ADAD2: variants seen among roughly 807,000 people sequenced by gnomAD.
ADAD2 encodes the protein adenosine deaminase domain containing 2.
Under a neutral mutation model 54.5 loss-of-function variants are expected in ADAD2, and 60 were observed. The ratio of observed to expected loss-of-function variants is 1.10; its 90% confidence interval spans 0.89 to 1.36. ADAD2 has a LOEUF of 1.36. Among genes scored for constraint, ADAD2 ranks in the 40% most tolerant of loss-of-function variants. The pLI, the probability that ADAD2 is intolerant of heterozygous loss-of-function variation, is 0.00. For missense variants in ADAD2, 1,103 were observed against 801.3 expected (o/e 1.38, Z -4.54); for synonymous variants, 543 against 366.2 (o/e 1.48, Z -5.51).
chr16:84,194,343 C>G lies in ADAD2; in HGVS notation c.419-99C>G, dbSNP rs747475355. The G allele has an allele frequency of 4.5e-6, 7 of 1,544,134 alleles. No individual in the cohort carries two copies. In the African/African-American group the frequency reaches 9.6e-5, roughly 21 times the overall value. Reference sequence around the variant, plus strand: ...GAAGGGTGGTGAGGGTCTCATTATTCTGACCGTCCTCGATATCAGGTGTCA... The same window carrying G: ...GAAGGGTGGTGAGGGTCTCATTATTGTGACCGTCCTCGATATCAGGTGTCA... On this transcript the variant is annotated intron_variant, in intron 1 of 9. Transcript: ENST00000315906.
intron 1 of ADAD2, chr16:84,193,285 C>A (rs1021947534): frequency 6.6e-6 from 1 of 152,168 alleles, no homozygotes; most frequent in Non-Finnish European, 1.5e-5. Context: ...CCATTGTTTC[C>A]CATCCCAGTA....
rs759513459 is a variant in ADAD2, at chr16:84,196,198, G to C, written c.1354G>C (p.Gly452Arg). ...HTRPCLDSVL[G>R]PCLPPPYVRT... ...CCGGCCCTGCCTGGACAGTGTCCTG[G>C]GGCCATGCCTGCCACCTCCCTACGT... The change falls in exon 8 of 10, where the codon GGG (glycine) becomes CGG (arginine). Residue 452 changes from glycine to arginine, a missense_variant. By Grantham distance (125) the Gly-to-Arg change is moderately radical. Transcript: ENST00000315906. The C allele has an allele frequency of 3.1e-6, 5 of 1,609,762 alleles. No individual in the cohort carries two copies. In the South Asian group the frequency reaches 4.4e-5, roughly 14 times the overall value.
chr16:84,196,868 A>C lies in ADAD2; in HGVS notation c.1648-2A>C. 1 of 1,593,366 alleles carries C rather than the reference A, an allele frequency of 6.3e-7. No individual in the cohort carries two copies. Among genetic ancestry groups the C allele is most frequent in the Non-Finnish European group, 8.6e-7 (1 of 1,169,572 alleles). ...CACCCCACCTCTCATCTCCCGCCCT[A>C]GGCTGGGCCCTACCAGGAGGCTCGC... is the stretch of plus-strand genomic sequence containing the variant. On this transcript the variant is annotated splice_acceptor_variant, in intron 9 of 9. Coordinates refer to ENST00000315906, the MANE Select transcript of ADAD2 (RefSeq NM_001145400.2). LOFTEE classifies it high-confidence loss of function.
chr16:84,191,639 C>T lies in ADAD2; in HGVS notation c.409C>T (p.Gln137Ter), dbSNP rs766707473. Residue 137 changes from glutamine to a stop codon, truncating the protein, a stop_gained, in exon 1 of 10, where the codon CAG becomes TAG. Transcript: ENST00000315906. LOFTEE classifies it high-confidence loss of function. ...LGIFLLFRED[Q>*]PPGPCFPFSV... Reference sequence around the variant, plus strand: ...CATCTTCCTGCTCTTCCGGGAGGACCAGCCACCAGGTGAGGCCGGGCCGGG... The same window carrying T: ...CATCTTCCTGCTCTTCCGGGAGGACTAGCCACCAGGTGAGGCCGGGCCGGG... 9.0e-6 allele frequency: 14 copies of T among 1,557,778 alleles called. No individual in the cohort carries two copies. Among genetic ancestry groups the T allele is most frequent in the Non-Finnish European group, 1.2e-5 (14 of 1,151,196 alleles).
chr16:84,197,066 G>A lies in ADAD2; in HGVS notation c.*92G>A. ...GAGGAGCGTTGTGGGGAGAACATGG[G>A]TTGTGCGGGGTGAAACTGGGGCTGG... On this transcript the variant is annotated 3_prime_UTR_variant, in exon 10 of 10. Coordinates refer to ENST00000315906, the MANE Select transcript of ADAD2 (RefSeq NM_001145400.2). 1 of 1,310,474 alleles carries A rather than the reference G, an allele frequency of 7.6e-7. No homozygotes were observed. Among genetic ancestry groups the A allele is most frequent in the Non-Finnish European group, 1.1e-6 (1 of 944,756 alleles). The allele number at this position is 1,310,474 out of a possible 1,614,324, so 81.2% of individuals were successfully genotyped here. A position where few individuals can be genotyped will look rare whatever the true frequency, so the allele number is the denominator to read the frequency against.
intron 7 of ADAD2, 35 bp from the exon 8 acceptor site, chr16:84,196,092 G>A: frequency 6.3e-7 from 1 of 1,599,754 alleles, no homozygotes; most frequent in East Asian, 2.2e-5. Context: ...GGGCAGGGAG[G>A]TCACTCACCT....
rs768379766 is a variant in ADAD2 at position 84,191,189 on chromosome 16, G to C, written c.-42G>C. On this transcript the variant is annotated 5_prime_UTR_variant, in exon 1 of 10. Transcript: ENST00000315906. ...CTGCGCGTGTGAAAGGGCGAGAGCA[G>C]CGCGAGATAGGGCCTAGCGCCTCAG... 6.3e-7 allele frequency: 1 copy of C among 1,584,624 alleles called. No homozygotes were observed. Among genetic ancestry groups the C allele is most frequent in the Non-Finnish European group, 8.6e-7 (1 of 1,162,932 alleles).
Position 84,194,495 on chromosome 16 carries a change from G to T in ADAD2, c.472G>T (p.Ala158Ser). The change falls in exon 2 of 10, where the codon GCG becomes TCG. Residue 158 changes from alanine (A) to serine (S), a missense_variant. Ala to Ser is a moderately conservative substitution (Grantham distance 99). Transcript: ENST00000315906. Reference protein sequence around the residue: ...SAELDGVVCPAGTANSKTEAK... With the variant: ...SAELDGVVCPSGTANSKTEAK... Reference sequence around the variant, plus strand: ...GGAACTGGATGGGGTGGTCTGCCCTGCGGGCACTGCGAATAGCAAGACGGA... The same window carrying T: ...GGAACTGGATGGGGTGGTCTGCCCTTCGGGCACTGCGAATAGCAAGACGGA... The T allele has an allele frequency of 6.2e-7, 1 of 1,611,990 alleles. No homozygotes were observed. Among genetic ancestry groups the T allele is most frequent in the East Asian group, 2.2e-5 (1 of 44,846 alleles).
In ADAD2 at chr16:84,196,729, C is replaced by G; in HGVS notation, c.1609C>G (p.Pro537Ala). The G allele has an allele frequency of 6.2e-7, 1 of 1,612,982 alleles. No homozygotes were observed. The highest frequency in any genetic ancestry group is 1.1e-5 in the South Asian group (1 of 91,080). Reference protein sequence around the residue: ...FHQAARAVGKPYLLALKTYEA... With the variant: ...FHQAARAVGKAYLLALKTYEA... ...CCAGGCGGCCAGGGCTGTGGGGAAG[C>G]CCTACCTCCTGGCCTTGAAGACCTA... The change falls in exon 9 of 10, where the codon CCC becomes GCC. Residue 537 changes from proline (P) to alanine (A), a missense_variant. Pro to Ala is a conservative substitution (Grantham distance 27, BLOSUM62 -1). Coordinates refer to ENST00000315906, the MANE Select transcript of ADAD2 (RefSeq NM_001145400.2).
Position 84,191,567 on chromosome 16 carries a change from G to T in ADAD2, c.337G>T (p.Ala113Ser), listed in dbSNP as rs749713254. ...CAGCCTGCCGCTCAAAGACCCACCTGCCAGCCAGGCCGTGTCCTTGCTCAC... is the reference window on the plus strand; with the variant it reads ...CAGCCTGCCGCTCAAAGACCCACCTTCCAGCCAGGCCGTGTCCTTGCTCAC... ...GLSLPLKDPP[A>S]SQAVSLLTEY... Residue 113 changes from alanine to serine, a missense_variant, in exon 1 of 10, where the codon GCC becomes TCC. Transcript: ENST00000315906. 15 of 1,549,074 alleles carry T rather than the reference G, an allele frequency of 9.7e-6. No homozygotes were observed. In the South Asian group the frequency reaches 1.8e-4, roughly 18 times the overall value.
rs1286519414 is a variant in ADAD2 at position 84,195,798 on chromosome 16, C to T, written c.1053-17C>T. On this transcript the variant is annotated splice_polypyrimidine_tract_variant and intron_variant, in intron 6 of 9. Coordinates refer to ENST00000315906, the MANE Select transcript of ADAD2 (RefSeq NM_001145400.2). The stretch of plus-strand genomic sequence containing the variant: ...GAGCAGCCCTGAAGCTGATGTCTGT[C>T]CCCACCCGGCCCGCAGCCTGCCCCC... 6.3e-7 allele frequency: 1 copy of T among 1,581,394 alleles called. No homozygotes were observed. The highest frequency in any genetic ancestry group is 1.8e-5 in the Admixed American group (1 of 56,674).
rs1323461021 is a variant in ADAD2, at chr16:84,195,544, A to G, written c.899A>G (p.Gln300Arg). 3.1e-6 allele frequency: 5 copies of G among 1,597,768 alleles called. No homozygotes were observed. In the South Asian group the frequency reaches 4.5e-5, roughly 14 times the overall value. Residue 300 changes from glutamine to arginine, a missense_variant, in exon 6 of 10, where the codon CAG becomes CGG. By Grantham distance (43) the Gln-to-Arg change is conservative. Transcript: ENST00000315906. Reference protein sequence around the residue: ...RRALLRFLFRQLLLATQGGPK... With the variant: ...RRALLRFLFRRLLLATQGGPK... ...GTCGCTCCTAGGTTCTTGTTCCGGC[A>G]GCTCCTGCTGGCCACACAGGGGGGC...
Position 84,194,209 on chromosome 16 carries a change from G to A in ADAD2, c.419-233G>A, listed in dbSNP as rs762338144. ...TGAAATGGAGTCACGCATCCCTGCT[G>A]TGGAGGAGTTGGGTGAGGACTTGGT... is the stretch of plus-strand genomic sequence containing the variant. On this transcript the variant is annotated intron_variant, in intron 1 of 9. Coordinates refer to ENST00000315906, the MANE Select transcript of ADAD2 (RefSeq NM_001145400.2). The A allele has an allele frequency of 3.4e-5, 54 of 1,566,864 alleles. No homozygotes were observed. In the Middle Eastern group the frequency reaches 2.3e-3, roughly 67 times the overall value.
chr16:84,196,423 C>A, intron 8 of ADAD2, 53 bp downstream of exon 8: 1 of 1,574,390 alleles, frequency 6.4e-7, no homozygotes, highest in South Asian at 1.2e-5. Flanking sequence ...TGATGGAGGG[C>A]TCATGCATGA....
At chr16:84,194,266 C>T in intron 1 of ADAD2, 176 bp from the exon 2 acceptor site, 1 of 1,552,688 alleles carries the variant, frequency 6.4e-7, no homozygotes, top group Non-Finnish European at 8.7e-7. Flanking sequence ...CCTGCAGAGG[C>T]ACTCAAGGGT....
At chr16:84,195,746 G>A in intron 6 of ADAD2, 49 bp downstream of exon 6, 1 of 1,532,502 alleles carries the variant, frequency 6.5e-7, no homozygotes. Flanking sequence ...CCTCGGTTGG[G>A]CTGCTGGGTG....
Position 84,195,573 on chromosome 16 carries a change from A to C in ADAD2, c.928A>C (p.Lys310Gln). Residue 310 changes from lysine to glutamine, a missense_variant, in exon 6 of 10, where the codon AAG becomes CAG. Lys to Gln is a moderately conservative substitution (Grantham distance 53). Coordinates refer to ENST00000315906, the MANE Select transcript of ADAD2 (RefSeq NM_001145400.2). The part of the protein sequence containing the change: ...QLLLATQGGP[K>Q]GKEQSVLAPQ... ...CCTGCTGGCCACACAGGGGGGCCCC[A>C]AGGGCAAGGAGCAGTCCGTGCTGGC... 1 of 1,600,800 alleles carries C rather than the reference A, an allele frequency of 6.2e-7. No individual in the cohort carries two copies. The highest frequency in any genetic ancestry group is 8.5e-7 in the Non-Finnish European group (1 of 1,173,920).
In ADAD2 at chr16:84,191,346, C is replaced by A; in HGVS notation, c.116C>A (p.Ala39Asp). Reference protein sequence around the residue: ...PRPWRPLPAQAQSAWGPAPAP... With the variant: ...PRPWRPLPAQDQSAWGPAPAP... ...CCCTGGCGACCGCTACCCGCCCAGG[C>A]CCAAAGTGCCTGGGGGCCCGCGCCC... The change falls in exon 1 of 10, where the codon GCC becomes GAC. Residue 39 changes from alanine (A) to aspartate (D), a missense_variant. By Grantham distance (126) the Ala-to-Asp change is moderately radical (BLOSUM62 -2). Transcript: ENST00000315906. 1.3e-6 allele frequency: 2 copies of A among 1,571,344 alleles called. No homozygotes were observed. Among genetic ancestry groups the A allele is most frequent in the South Asian group, 1.1e-5 (1 of 88,662 alleles).
At position 84,195,050 on chromosome 16, in the gene ADAD2, GTC is replaced by G. The variant is rs746995769; in HGVS notation, c.608-14_608-13del. 4 of 1,612,768 alleles carry G rather than the reference GTC, an allele frequency of 2.5e-6. No individual in the cohort carries two copies. The highest frequency in any genetic ancestry group is 3.4e-6 in the Non-Finnish European group (4 of 1,179,454). ...AGGCGTGGGCCCCCTTCTACCTGCA[GTC>G]TCTCGCCCTGGCGCAGAGAACATCC... On this transcript the variant is annotated splice_polypyrimidine_tract_variant and intron_variant, in intron 3 of 9. Transcript: ENST00000315906.
Sources: allele counts gnomAD v4.1 joint callset, GRCh38; gene constraint gnomAD v4.1.1; transcripts MANE v1.5; gene names NCBI Gene and HGNC (gene_info 2026-07-23, HGNC 2026-07-21).